The following GTF2E2 variants were observed in gnomAD, a reference collection of about 807,000 sequenced individuals.
GTF2E2 encodes transcription initiation factor IIE subunit beta.
A neutral mutation model predicts 40.5 loss-of-function variants in GTF2E2; 21 were observed. The observed-to-expected ratio is 0.52, with a 90% CI of 0.37 to 0.75. The LOEUF is 0.75. Ranked by LOEUF, GTF2E2 falls within the 30% of genes least tolerant of loss-of-function variation. The pLI, the probability that GTF2E2 is intolerant of heterozygous loss-of-function variation, is 0.00. For synonymous variants in GTF2E2, 117 were observed against 121.6 expected, an observed-to-expected ratio of 0.96 and a Z score of 0.25; for missense variants, 298 against 338.4, an observed-to-expected ratio of 0.88 and a Z score of 0.94.
At chr8:30,598,387 T>A (rs1419209145) in intron 6 of GTF2E2, among the ~76,000 whole-genome samples, 2 of 152,228 alleles carry the variant, frequency 1.3e-5, no homozygotes, top group African/African-American at 4.8e-5. Flanking sequence ...TGTATATTAC[T>A]GTATAGAAAG....
chr8:30,654,045 T>C (rs1802374948), intron 1 of GTF2E2, among the ~76,000 whole-genome samples: 1 of 145,412 alleles, frequency 6.9e-6, no homozygotes, highest in Non-Finnish European at 1.5e-5. Flanking sequence ...GCTGTGATAA[T>C]GCCACTGCAC....
intron 2 of GTF2E2, chr8:30,637,025 C>T (rs1801626198): frequency 2.5e-6 from 1 of 407,858 alleles, no homozygotes; most frequent in Non-Finnish European, 4.8e-6. Context: ...ATACGTAATC[C>T]CTCCCAAAAA....
intron 6 of GTF2E2, among the ~76,000 whole-genome samples, chr8:30,599,461 C>A (rs1829108852): frequency 6.6e-6 from 1 of 151,996 alleles, no homozygotes; most frequent in Admixed American, 6.6e-5. Context: ...TACTTCTAAT[C>A]CCAGCTACTC....
intron 6 of GTF2E2, among the ~76,000 whole-genome samples, chr8:30,595,403 T>C (rs1356653955): frequency 2.0e-5 from 3 of 152,258 alleles, no homozygotes; most frequent in East Asian, 1.9e-4. Context: ...CGTATTTGTA[T>C]AGATCCAAAT....
At chr8:30,631,676 G>A (rs1413640487) in intron 3 of GTF2E2, among the ~76,000 whole-genome samples, 1 of 152,216 alleles carries the variant, frequency 6.6e-6, no homozygotes, top group Non-Finnish European at 1.5e-5. Context: ...TGAGTAGTTT[G>A]AAGCAGTAGG....
chr8:30,623,187 C>T (rs905013366), intron 3 of GTF2E2, among the ~76,000 whole-genome samples: 4 of 152,056 alleles, frequency 2.6e-5, no homozygotes, highest in African/African-American at 7.3e-5. Context: ...TCACAATCCA[C>T]GTTCTTCTGC....
Position 30,633,769 on chromosome 8 carries a change from C to T in GTF2E2, c.258+1263G>A, listed in dbSNP as rs2128723377. Among the ~76,000 whole-genome samples the T allele has an allele frequency of 1.3e-5, 2 of 152,262 alleles. 1 individual carries two copies. The highest frequency in any genetic ancestry group is 4.1e-4 in the South Asian group (2 of 4,826). On this transcript the variant is annotated intron_variant, in intron 3 of 7. Coordinates refer to ENST00000355904, the MANE Select transcript of GTF2E2 (RefSeq NM_002095.6). The stretch of plus-strand genomic sequence containing the variant: ...GTGCCCTAAACAGCCAATAGATTTT[C>T]ATAACTGCTTACCATGTGGGGGAAT...
At chr8:30,602,686 A>G (rs1312090377) in intron 6 of GTF2E2, among the ~76,000 whole-genome samples, 5 of 150,078 alleles carry the variant, frequency 3.3e-5, no homozygotes, top group Non-Finnish European at 1.5e-5. Flanking sequence ...CCCGGGAGGC[A>G]GAGGTTGTTG....
At chr8:30,579,679 G>A (rs991263973) in intron 7 of GTF2E2, among the ~76,000 whole-genome samples, 2 of 152,168 alleles carry the variant, frequency 1.3e-5, no homozygotes, top group African/African-American at 4.8e-5. Context: ...AGGAAAGGGG[G>A]GAGGAGCACA....
At chr8:30,655,210 A>AC (rs1161788494) in intron 1 of GTF2E2, among the ~76,000 whole-genome samples, 5 of 151,916 alleles carry the variant, frequency 3.3e-5, no homozygotes, top group Non-Finnish European at 7.4e-5. Context: ...AAAAAAAAAA[A>AC]AGTCTACAGA....
intron 2 of GTF2E2, chr8:30,645,231 T>G (rs892422537): frequency 2.9e-6 from 4 of 1,367,990 alleles, no homozygotes; most frequent in South Asian, 3.0e-5. Context: ...AGATTTGAAT[T>G]AACAGATCTG....
At chr8:30,590,894 T>G (rs1338941271) in intron 6 of GTF2E2, among the ~76,000 whole-genome samples, 2 of 152,226 alleles carry the variant, frequency 1.3e-5, no homozygotes, top group East Asian at 3.9e-4. Flanking sequence ...TTTTGCCATG[T>G]TGGCCAAGCT....
intron 6 of GTF2E2, among the ~76,000 whole-genome samples, chr8:30,592,680 A>G (rs1828884140): frequency 6.6e-6 from 1 of 152,256 alleles, no homozygotes; most frequent in Non-Finnish European, 1.5e-5. Flanking sequence ...GTAAATAGTT[A>G]TACTGTATTG....
intron 6 of GTF2E2, among the ~76,000 whole-genome samples, chr8:30,580,730 T>A (rs1828494067): frequency 6.6e-6 from 1 of 152,072 alleles, no homozygotes; most frequent in African/African-American, 2.4e-5. Flanking sequence ...CCTGCTCAGC[T>A]CCCCTAAGCA....
intron 6 of GTF2E2, among the ~76,000 whole-genome samples, chr8:30,603,231 G>C (rs2151121074): frequency 6.6e-6 from 1 of 152,250 alleles, no homozygotes; most frequent in South Asian, 2.1e-4. Context: ...CCCAGAAATT[G>C]TCAACAAGGG....
intron 3 of GTF2E2, among the ~76,000 whole-genome samples, chr8:30,631,050 CAAGGTCT>C (rs1277155606): frequency 3.0e-4 from 46 of 151,930 alleles, no homozygotes; most frequent in Non-Finnish European, 5.6e-4. Flanking sequence ...TTATTAGCGA[CAAGGTCT>C]CAATGTGTCG....
chr8:30,602,258 T>C (rs945251278), intron 6 of GTF2E2, among the ~76,000 whole-genome samples: 1 of 152,288 alleles, frequency 6.6e-6, no homozygotes, highest in African/African-American at 2.4e-5. Context: ...CCTCAAGTGA[T>C]CGCCTAAGGC....
chr8:30,645,771 TCATTAAATA>T, intron 2 of GTF2E2: 1 of 598,956 alleles, frequency 1.7e-6, no homozygotes, highest in Non-Finnish European at 2.9e-6. Flanking sequence ...TATAGCCATT[TCATTAAATA>T]TACAGTAAAA....
At position 30,614,646 on chromosome 8, in the gene GTF2E2, C is replaced by A. The variant is rs1290266796; in HGVS notation, c.328G>T (p.Asp110Tyr). ...CATTGTTTCTGCTTGAGTCCAATAT[C>A]TAAATGTTGTGTTTCATCCAAAATT... ...DEILDETQHL[D>Y]IGLKQKQWLM... The change falls in exon 4 of 8, where the codon GAT (aspartate) becomes TAT (tyrosine). Residue 110 changes from aspartate to tyrosine, a missense_variant. By Grantham distance (160) the Asp-to-Tyr change is radical. Transcript: ENST00000355904. The A allele has an allele frequency of 6.2e-7, 1 of 1,606,728 alleles. No homozygotes were observed. Among genetic ancestry groups the A allele is most frequent in the Non-Finnish European group, 8.5e-7 (1 of 1,173,502 alleles).
Sources: gnomAD v4.1 joint callset for allele counts (sites outside exome capture counted in the v4.1 genomes callset) on GRCh38, gnomAD v4.1.1 for gene constraint, MANE v1.5 for transcripts, NCBI Gene and HGNC (gene_info 2026-07-23, HGNC 2026-07-21) for gene names.